Variants in MYT1L observed in about 807,000 individuals in gnomAD.
The protein encoded by MYT1L is myelin transcription factor 1 like.
In MYT1L, 12 loss-of-function variants were observed where a neutral mutation model predicts 126.7. That is an observed-to-expected ratio of 0.09 (90% CI 0.06 to 0.15). MYT1L has a LOEUF of 0.15. Ranked by LOEUF, MYT1L falls within the 10% of genes least tolerant of loss-of-function variation. The probability of loss-of-function intolerance (pLI) is 1.00; values close to 1 mark genes in which losing one functional copy is unlikely to be tolerated. For synonymous variants in MYT1L, 541 were observed against 604.2 expected, an observed-to-expected ratio of 0.90 and a Z score of 1.53; for missense variants, 979 against 1,585.2, an observed-to-expected ratio of 0.62 and a Z score of 6.49.
At chr2:2,264,559 C>T (rs897432411) in intron 2 of MYT1L, among the ~76,000 whole-genome samples, 8 of 152,160 alleles carry the variant, frequency 5.3e-5, no homozygotes, top group South Asian at 2.1e-4. Context: ...ACTAATTCTG[C>T]GGGGTTGGCT....
At chr2:2,170,884 T>C (rs1360045649) in intron 3 of MYT1L, among the ~76,000 whole-genome samples, 2 of 152,114 alleles carry the variant, frequency 1.3e-5, no homozygotes, top group Non-Finnish European at 1.5e-5. Flanking sequence ...TGAGAAATGA[T>C]TGGTGAGGAC....
chr2:2,283,384 G>A (rs571593797), intron 2 of MYT1L, among the ~76,000 whole-genome samples: 32 of 152,278 alleles, frequency 2.1e-4, no homozygotes, highest in East Asian at 5.8e-4. Context: ...GCAGTTTGAC[G>A]TTAATGCAAA....
chr2:1,796,627 C>A (rs188146304), intron 23 of MYT1L, among the ~76,000 whole-genome samples: 2 of 152,160 alleles, frequency 1.3e-5, no homozygotes, highest in East Asian at 1.9e-4. Flanking sequence ...TCAAATACCC[C>A]CATCCCCACC....
intron 4 of MYT1L, among the ~76,000 whole-genome samples, chr2:2,025,880 C>A (rs1326297820): frequency 6.6e-6 from 1 of 152,200 alleles, no homozygotes; most frequent in Non-Finnish European, 1.5e-5. Context: ...ATATTCAGAA[C>A]AAGATACATG....
chr2:1,865,514 C>T (rs954849342), intron 18 of MYT1L, among the ~76,000 whole-genome samples: 7 of 152,156 alleles, frequency 4.6e-5, no homozygotes, highest in South Asian at 2.1e-4. Flanking sequence ...AATGCCCATC[C>T]GCATCGTTAG....
chr2:1,864,619 T>A (rs1271411815), intron 18 of MYT1L, among the ~76,000 whole-genome samples: 1 of 152,188 alleles, frequency 6.6e-6, no homozygotes, highest in Non-Finnish European at 1.5e-5. Flanking sequence ...TGTTCAGGCA[T>A]CTCGTTTATT....
intron 4 of MYT1L, among the ~76,000 whole-genome samples, chr2:2,048,561 T>C (rs2068454348): frequency 6.6e-6 from 1 of 152,170 alleles, no homozygotes; most frequent in South Asian, 2.1e-4. Context: ...AGGTGGTCCA[T>C]GCGCTGACTC....
intron 18 of MYT1L, among the ~76,000 whole-genome samples, chr2:1,881,413 T>C (rs950898103): frequency 6.6e-5 from 10 of 151,024 alleles, no homozygotes; most frequent in Non-Finnish European, 1.2e-4. Context: ...TGAAGTCATT[T>C]TGAAACATTC....
intron 14 of MYT1L, among the ~76,000 whole-genome samples, chr2:1,897,058 C>G (rs895383261): frequency 6.6e-6 from 1 of 152,164 alleles, no homozygotes; most frequent in Non-Finnish European, 1.5e-5. Context: ...TTTGATGTGC[C>G]TATCAACTCA....
chr2:2,076,437 T>C (rs1016700569), intron 3 of MYT1L, among the ~76,000 whole-genome samples: 1 of 152,202 alleles, frequency 6.6e-6, no homozygotes, highest in Non-Finnish European at 1.5e-5. Context: ...ATCCTCTGGC[T>C]ATTCATTGGC....
intron 4 of MYT1L, among the ~76,000 whole-genome samples, chr2:2,043,927 C>T (rs1313442511): frequency 6.6e-6 from 1 of 151,912 alleles, no homozygotes; most frequent in South Asian, 2.1e-4. Flanking sequence ...AGAGAAGACA[C>T]GATTTTTATC....
At chr2:1,906,365 T>G (rs2148985120) in intron 13 of MYT1L, among the ~76,000 whole-genome samples, 1 of 152,312 alleles carries the variant, frequency 6.6e-6, no homozygotes, top group Middle Eastern at 3.5e-3. Context: ...TTAACTATTT[T>G]CCAACTTTTT....
chr2:2,135,856 T>C (rs1256367692), intron 3 of MYT1L, among the ~76,000 whole-genome samples: 11 of 152,238 alleles, frequency 7.2e-5, no homozygotes. Context: ...CCTGCCGGGC[T>C]TGGCCTTTAA....
intron 3 of MYT1L, among the ~76,000 whole-genome samples, chr2:2,127,397 C>T (rs542092575): frequency 6.6e-6 from 1 of 152,144 alleles, no homozygotes; most frequent in South Asian, 2.1e-4. Context: ...TCTCTTAAAA[C>T]CTGTTTTGGC....
chr2:2,134,094 A>G (rs2082727766), intron 3 of MYT1L, among the ~76,000 whole-genome samples: 1 of 152,084 alleles, frequency 6.6e-6, no homozygotes, highest in Admixed American at 6.6e-5. Flanking sequence ...TCCAAAACTA[A>G]ACTCACTATC....
chr2:2,135,848 T>G (rs2082979383), intron 3 of MYT1L, among the ~76,000 whole-genome samples: 1 of 152,232 alleles, frequency 6.6e-6, no homozygotes, highest in Non-Finnish European at 1.5e-5. Context: ...GACCTGGGCC[T>G]GCCGGGCTTG....
chr2:2,008,333 C>A (rs2063519216), intron 4 of MYT1L, among the ~76,000 whole-genome samples: 1 of 152,216 alleles, frequency 6.6e-6, no homozygotes, highest in South Asian at 2.1e-4. Context: ...TAATTAAACT[C>A]TTGGTTTACT....
intron 3 of MYT1L, among the ~76,000 whole-genome samples, chr2:2,054,937 C>T (rs983029983): frequency 8.6e-5 from 13 of 151,874 alleles, no homozygotes; most frequent in African/African-American, 2.9e-4. Flanking sequence ...AGATGAGATA[C>T]ATGGAAATGA....
chr2:2,003,572 T>G (rs1366151545), intron 4 of MYT1L, among the ~76,000 whole-genome samples: 1 of 152,212 alleles, frequency 6.6e-6, no homozygotes, highest in Admixed American at 6.5e-5. Flanking sequence ...CCACAGGGGC[T>G]TCTCTCCTGG....
Sources: gnomAD v4.1 joint callset for allele counts (sites outside exome capture counted in the v4.1 genomes callset) on GRCh38, gnomAD v4.1.1 for gene constraint, MANE v1.5 for transcripts, NCBI Gene and HGNC (gene_info 2026-07-23, HGNC 2026-07-21) for gene names.